Variants in MAPK4 observed in about 807,000 individuals in gnomAD.
The protein encoded by MAPK4 is mitogen-activated protein kinase 4.
MAPK4 carries 22 observed loss-of-function variants against 47.7 expected under a neutral mutation model. The observed-to-expected ratio is 0.46, with a 90% CI of 0.33 to 0.66. MAPK4 has a LOEUF of 0.66. Ranked by LOEUF, MAPK4 falls within the 30% of genes least tolerant of loss-of-function variation. MAPK4 has a pLI of 0.02. For missense variants in MAPK4, 736 were observed against 831.7 expected, an observed-to-expected ratio of 0.88 and a Z score of 1.42; for synonymous variants, 390 against 365.7, an observed-to-expected ratio of 1.07 and a Z score of -0.76.
Position 50,725,967 on chromosome 18 carries a change from G to A in MAPK4, c.859G>A (p.Asp287Asn), listed in dbSNP as rs1289895947. 3.1e-6 allele frequency: 5 copies of A among 1,613,956 alleles called. No individual in the cohort carries two copies. Among genetic ancestry groups the A allele is most frequent in the East Asian group, 2.2e-5 (1 of 44,896 alleles). The change falls in exon 5 of 6, where the codon GAC becomes AAC. Residue 287 changes from aspartate to asparagine, a missense_variant. Physicochemically the swap from Asp to Asn is conservative, Grantham distance 23 (BLOSUM62 1). Around this residue, in one of 3 missense-constraint regions of MAPK4, gnomAD observed 327 missense variants for 395.4 expected, o/e 0.83. Coordinates refer to ENST00000400384, the MANE Select transcript of MAPK4 (RefSeq NM_002747.4). ...TCCGGCTTTGCTCCCTGCAGCCATCGACTTTCTGGAGAAGATCCTGACCTT... is the reference window on the plus strand; with the variant it reads ...TCCGGCTTTGCTCCCTGCAGCCATCAACTTTCTGGAGAAGATCCTGACCTT... ...LLPEVNSEAI[D>N]FLEKILTFNP...
At chr18:50,625,273 C>G (rs2144137826) in intron 1 of MAPK4, among the ~76,000 whole-genome samples, 1 of 152,268 alleles carries the variant, frequency 6.6e-6, no homozygotes. Context: ...CTCCATCACC[C>G]CAGGAGACCG....
At chr18:50,656,375 G>A (rs2043109968) in intron 1 of MAPK4, among the ~76,000 whole-genome samples, 1 of 152,186 alleles carries the variant, frequency 6.6e-6, no homozygotes, top group South Asian at 2.1e-4. Context: ...CACTCACACG[G>A]TGGCCAGCAG....
At chr18:50,698,851 C>T (rs759786820) in intron 2 of MAPK4, among the ~76,000 whole-genome samples, 1 of 152,036 alleles carries the variant, frequency 6.6e-6, no homozygotes, top group Non-Finnish European at 1.5e-5. Flanking sequence ...ATGGTAAAAC[C>T]TTGTCTCTAC....
chr18:50,625,927 C>CACACACACACAT (rs1167419602), intron 1 of MAPK4, among the ~76,000 whole-genome samples: 66 of 93,442 alleles, frequency 7.1e-4, no homozygotes, highest in African/African-American at 2.6e-3. Context: ...CACACACACA[C>CACACACACACAT]ATATATAATG....
chr18:50,671,163 G>A (rs1907928710), intron 2 of MAPK4, among the ~76,000 whole-genome samples: 1 of 152,118 alleles, frequency 6.6e-6, no homozygotes, highest in Non-Finnish European at 1.5e-5. Flanking sequence ...CTGTGACAGG[G>A]GTCATGTGGA....
chr18:50,617,059 G>C lies in MAPK4; in HGVS notation c.-870-46030G>C, dbSNP rs574683038. 7.9e-5 allele frequency among the ~76,000 whole-genome samples: 12 copies of C among 152,208 alleles called. No individual in the cohort carries two copies. The South Asian group carries it at 2.1e-3, about 26-fold the overall frequency. On this transcript the variant is annotated intron_variant, in intron 1 of 5. Coordinates refer to ENST00000400384, the MANE Select transcript of MAPK4 (RefSeq NM_002747.4). ...CACCACCATCAACTTTATCTCTAAG[G>C]CTCCAGCTTTTGGCTGTAAGGCTTT... is the stretch of plus-strand genomic sequence containing the variant.
chr18:50,711,491 C>G (rs1017350004), intron 2 of MAPK4, among the ~76,000 whole-genome samples: 1 of 152,266 alleles, frequency 6.6e-6, no homozygotes, highest in Non-Finnish European at 1.5e-5. Flanking sequence ...TTCATGTCTT[C>G]TCAGAGCAGT....
intron 3 of MAPK4, among the ~76,000 whole-genome samples, chr18:50,717,174 A>C (rs1315750708): frequency 6.6e-6 from 1 of 152,148 alleles, no homozygotes; most frequent in Non-Finnish European, 1.5e-5. Flanking sequence ...CCTTGTTGTC[A>C]GCCTGTCCTC....
At chr18:50,641,584 A>C (rs1324557909) in intron 1 of MAPK4, among the ~76,000 whole-genome samples, 1 of 152,152 alleles carries the variant, frequency 6.6e-6, no homozygotes, top group Non-Finnish European at 1.5e-5. Flanking sequence ...TCAATATGCT[A>C]ATTTGATTTT....
intron 1 of MAPK4, among the ~76,000 whole-genome samples, chr18:50,642,782 C>T (rs566413837): frequency 3.9e-5 from 6 of 152,268 alleles, no homozygotes; most frequent in Non-Finnish European, 7.4e-5. Flanking sequence ...TATCCAGGGA[C>T]GCCAGTGTCA....
chr18:50,630,005 C>T (rs976516343), intron 1 of MAPK4: 13 of 152,142 alleles, frequency 8.5e-5, no homozygotes, highest in African/African-American at 3.1e-4. Flanking sequence ...TGAACATTAG[C>T]TTTAGACAGA....
intron 2 of MAPK4, among the ~76,000 whole-genome samples, chr18:50,695,338 TAAA>T (rs59857315): frequency 0.17 from 14,064 of 84,270 alleles, 1,085 homozygotes; most frequent in African/African-American, 0.28. Flanking sequence ...GGCTCCATCT[TAAA>T]AAAAAAAAAA....
chr18:50,641,538 A>G (rs1049977997), intron 1 of MAPK4, among the ~76,000 whole-genome samples: 1 of 152,208 alleles, frequency 6.6e-6, no homozygotes, highest in African/African-American at 2.4e-5. Context: ...TAACACTCAA[A>G]TATGTTATTT....
At chr18:50,627,301 G>A (rs948972111) in intron 1 of MAPK4, among the ~76,000 whole-genome samples, 1 of 152,222 alleles carries the variant, frequency 6.6e-6, no homozygotes, top group Non-Finnish European at 1.5e-5. Flanking sequence ...CCGAAGGAAG[G>A]ATTCCCCTCA....
At chr18:50,626,271 T>C (rs990557509) in intron 1 of MAPK4, among the ~76,000 whole-genome samples, 5 of 152,192 alleles carry the variant, frequency 3.3e-5, no homozygotes, top group African/African-American at 1.2e-4. Flanking sequence ...GTCAACCAAG[T>C]TGACATAAAA....
At chr18:50,721,811 G>C in intron 3 of MAPK4, 127 bp from the exon 4 acceptor site, 1 of 822,544 alleles carries the variant, frequency 1.2e-6, no homozygotes, top group Non-Finnish European at 1.9e-6. Flanking sequence ...CCAGAACCCC[G>C]GTCCCAGCCC....
At chr18:50,722,892 C>T (rs976458801) in intron 4 of MAPK4, among the ~76,000 whole-genome samples, 1 of 152,090 alleles carries the variant, frequency 6.6e-6, no homozygotes, top group African/African-American at 2.4e-5. Context: ...TTCCAGAACC[C>T]CTGGGGCTCT....
At chr18:50,559,641 T>G (rs2042133489), upstream of MAPK4, among the ~76,000 whole-genome samples, 1 of 117,708 alleles carries the variant, frequency 8.5e-6, no homozygotes, top group Non-Finnish European at 1.8e-5. Flanking sequence ...CCCCGGCGGC[T>G]GCAGCCGCGC....
chr18:50,629,836 A>T (rs2042813141), intron 1 of MAPK4: 1 of 152,222 alleles, frequency 6.6e-6, no homozygotes, highest in Admixed American at 6.5e-5. Flanking sequence ...GTTCCAAGCC[A>T]TTAGGGATTC....
Sources: gnomAD v4.1 joint callset for allele counts (sites outside exome capture counted in the v4.1 genomes callset) on GRCh38, gnomAD v4.1.1 for gene constraint, gnomAD v4.1.1 regional missense constraint, MANE v1.5 for transcripts, NCBI Gene and HGNC (gene_info 2026-07-23, HGNC 2026-07-21) for gene names.